RPS6KC1: variants seen among roughly 807,000 people sequenced by gnomAD.
RPS6KC1 encodes the protein ribosomal protein S6 kinase C1.
Under a neutral mutation model 103.8 loss-of-function variants are expected in RPS6KC1, and 54 were observed. The observed-to-expected ratio is 0.52, with a 90% CI of 0.42 to 0.65. The LOEUF is 0.65. Ranked by LOEUF, RPS6KC1 falls within the 30% of genes least tolerant of loss-of-function variation. The probability of loss-of-function intolerance (pLI) is 0.00; values close to 1 mark genes in which losing one functional copy is unlikely to be tolerated. For missense variants in RPS6KC1, 1,151 were observed against 1,253.8 expected, an observed-to-expected ratio of 0.92 and a Z score of 1.24; for synonymous variants, 439 against 438.7, an observed-to-expected ratio of 1.00 and a Z score of -0.01.
At chr1:213,713,653 A>G in the RPS6KC1 span, among the ~76,000 whole-genome samples, 1 of 152,182 alleles carries the variant, frequency 6.6e-6, no homozygotes, top group East Asian at 1.9e-4. Context: ...GTTTTACACA[A>G]AGTTTTTCTA....
the RPS6KC1 span, among the ~76,000 whole-genome samples, chr1:213,408,004 T>C: frequency 6.6e-6 from 1 of 152,228 alleles, no homozygotes; most frequent in African/African-American, 2.4e-5. Flanking sequence ...GCTACAGATA[T>C]GGAAGCTCCA....
chr1:213,137,829 T>G (rs2086554170), intron 6 of RPS6KC1, among the ~76,000 whole-genome samples: 1 of 114,028 alleles, frequency 8.8e-6, no homozygotes, highest in Non-Finnish European at 1.7e-5. Flanking sequence ...TTTTTTTTCC[T>G]TCCCCCCACC....
chr1:213,182,974 A>T (rs890886925), intron 8 of RPS6KC1, among the ~76,000 whole-genome samples: 1 of 150,838 alleles, frequency 6.6e-6, no homozygotes, highest in Admixed American at 6.6e-5. Flanking sequence ...TGTAAAAAGT[A>T]AAAGGATGGA....
At chr1:213,729,217 T>C in the RPS6KC1 span, among the ~76,000 whole-genome samples, 1 of 152,076 alleles carries the variant, frequency 6.6e-6, no homozygotes, top group Non-Finnish European at 1.5e-5. Flanking sequence ...CGGTAGACTT[T>C]TCCAGAAGTA....
the RPS6KC1 span, among the ~76,000 whole-genome samples, chr1:213,690,897 G>A: frequency 0.02 from 3,047 of 152,232 alleles, 103 homozygotes; most frequent in African/African-American, 0.07. Flanking sequence ...TTTTGTGAAA[G>A]TCCAAGGTAC....
At chr1:213,299,176 G>T in the RPS6KC1 span, among the ~76,000 whole-genome samples, 1 of 152,092 alleles carries the variant, frequency 6.6e-6, no homozygotes, top group South Asian at 2.1e-4. Context: ...CCGAGTGAAA[G>T]CTGCATTCTT....
chr1:213,676,836 C>T, the RPS6KC1 span, among the ~76,000 whole-genome samples: 19 of 152,190 alleles, frequency 1.2e-4, no homozygotes, highest in African/African-American at 4.6e-4. Context: ...ATAAAATGTC[C>T]CCCAACCTAA....
the RPS6KC1 span, among the ~76,000 whole-genome samples, chr1:213,799,521 T>C: frequency 6.6e-6 from 1 of 152,138 alleles, no homozygotes; most frequent in East Asian, 1.9e-4. Flanking sequence ...ATAGTTAAAA[T>C]TTTCTACTTA....
chr1:213,554,995 A>C, the RPS6KC1 span, among the ~76,000 whole-genome samples: 2 of 152,232 alleles, frequency 1.3e-5, no homozygotes, highest in Non-Finnish European at 2.9e-5. Flanking sequence ...TTTTTAAAGC[A>C]TAAAGTATAG....
At chr1:213,311,881 C>T in the RPS6KC1 span, among the ~76,000 whole-genome samples, 2 of 150,976 alleles carry the variant, frequency 1.3e-5, no homozygotes, top group Non-Finnish European at 2.9e-5. Context: ...TTAGGCCAAG[C>T]CTCAGGAGGA....
At chr1:213,551,839 C>T in the RPS6KC1 span, among the ~76,000 whole-genome samples, 1 of 152,178 alleles carries the variant, frequency 6.6e-6, no homozygotes, top group Non-Finnish European at 1.5e-5. Context: ...CTCAAAAATT[C>T]CTCTGTGCTC....
chr1:213,820,789 C>A, the RPS6KC1 span: 1 of 152,120 alleles, frequency 6.6e-6, no homozygotes, highest in African/African-American at 2.4e-5. Flanking sequence ...TTCAGCCCTT[C>A]CGTTGGAAAT....
chr1:213,648,071 G>T, the RPS6KC1 span, among the ~76,000 whole-genome samples: 95 of 152,234 alleles, frequency 6.2e-4, no homozygotes, highest in African/African-American at 1.9e-3. Flanking sequence ...TCATTGAAAA[G>T]AATGTAGTGC....
In RPS6KC1 at chr1:213,114,635, A is replaced by C. The variant is rs924735002; in HGVS notation, c.379-2682A>C. On this transcript the variant is annotated intron_variant, in intron 4 of 14. Coordinates refer to ENST00000366960, the MANE Select transcript of RPS6KC1 (RefSeq NM_012424.6). ...AGAGAGGGCATCCCTGTCTTGTGCC[A>C]GTTTTCAAAGGGAATGCTTCCAGTT... Among the ~76,000 whole-genome samples the C allele has an allele frequency of 1.9e-3, 289 of 151,186 alleles. 3 individuals carry two copies. The highest frequency in any genetic ancestry group is 6.5e-3 in the African/African-American group (268 of 41,358).
the RPS6KC1 span, among the ~76,000 whole-genome samples, chr1:213,672,172 G>T: frequency 6.6e-6 from 1 of 152,020 alleles, no homozygotes; most frequent in Non-Finnish European, 1.5e-5. Context: ...CCTCTTGCCC[G>T]CCTGGTGAGC....
chr1:213,226,441 T>C (rs1265358201), intron 8 of RPS6KC1, among the ~76,000 whole-genome samples: 1 of 152,340 alleles, frequency 6.6e-6, no homozygotes, highest in East Asian at 1.9e-4. Flanking sequence ...TTTGTGTTCA[T>C]TGTAACTCAA....
At chr1:213,572,440 C>T in the RPS6KC1 span, among the ~76,000 whole-genome samples, 2 of 152,218 alleles carry the variant, frequency 1.3e-5, no homozygotes, top group Non-Finnish European at 2.9e-5. Context: ...GAAGCACATT[C>T]ATCTTTGATA....
the RPS6KC1 span, among the ~76,000 whole-genome samples, chr1:213,597,863 A>T: frequency 6.6e-6 from 1 of 152,238 alleles, no homozygotes; most frequent in East Asian, 1.9e-4. Context: ...GCAGAGCAGG[A>T]CTAGGGTCAG....
the RPS6KC1 span, among the ~76,000 whole-genome samples, chr1:213,789,085 A>G: frequency 1.3e-5 from 2 of 152,176 alleles, no homozygotes; most frequent in Non-Finnish European, 2.9e-5. Context: ...AGAAGGAGCC[A>G]TGAGAAGTCA....
Sources: allele counts gnomAD v4.1 joint callset (sites outside exome capture counted in the v4.1 genomes callset), GRCh38; gene constraint gnomAD v4.1.1; transcripts MANE v1.5; gene names NCBI Gene and HGNC (gene_info 2026-07-23, HGNC 2026-07-21).